Variants in CHRDL1 observed in about 807,000 individuals in gnomAD.
CHRDL1 encodes chordin-like protein 1.
In CHRDL1, 19 loss-of-function variants were observed where a neutral mutation model predicts 40.9. The ratio of observed to expected loss-of-function variants is 0.46; its 90% CI spans 0.32 to 0.68. The LOEUF (loss-of-function observed/expected upper bound fraction) is 0.68. Among genes scored for constraint, CHRDL1 ranks in the 30% least tolerant of loss-of-function variants. CHRDL1 has a pLI of 0.03. For synonymous variants in CHRDL1, 136 were observed against 123.4 expected (o/e 1.10, Z -0.68); for missense variants, 329 against 352.1 (o/e 0.93, Z 0.53).
In CHRDL1 at chrX:110,776,783, T is replaced by C. The variant is rs748063385; in HGVS notation, c.95-13976A>G. ...TGCCACACATGCATAGTGTCCCCAG[T>C]TATCAATATCCCCTGCCAGAGAGGT... On this transcript the variant is annotated intron_variant, in intron 2 of 11. Coordinates refer to ENST00000372042, the MANE Select transcript of CHRDL1 (RefSeq NM_001143981.2). Among the ~76,000 whole-genome samples the C allele has an allele frequency of 2.7e-5, 3 of 110,785 alleles. No homozygotes were observed. The East Asian group carries it at 8.5e-4, about 31-fold the overall frequency.
At chrX:110,709,661 G>A (rs2070711470) in intron 6 of CHRDL1, among the ~76,000 whole-genome samples, 1 of 111,917 alleles carries the variant, frequency 8.9e-6, no homozygotes, top group Admixed American at 9.5e-5. Flanking sequence ...AAAGATATCT[G>A]CTTCATTGGT....
intron 2 of CHRDL1, among the ~76,000 whole-genome samples, chrX:110,787,973 C>A (rs1273148327): frequency 8.9e-6 from 1 of 112,697 alleles, no homozygotes; most frequent in African/African-American, 3.2e-5. Context: ...TGGGCAAACT[C>A]TTCAGCCCAT....
chrX:110,735,669 C>G (rs1401317293), intron 4 of CHRDL1, among the ~76,000 whole-genome samples: 1 of 112,123 alleles, frequency 8.9e-6, no homozygotes, highest in African/African-American at 3.2e-5. Flanking sequence ...CTGTATAGTG[C>G]TAATAACCAG....
intron 4 of CHRDL1, among the ~76,000 whole-genome samples, chrX:110,753,082 T>C (rs1428266375): frequency 8.9e-6 from 1 of 112,000 alleles, no homozygotes; most frequent in Non-Finnish European, 1.9e-5. Context: ...TGAAAACATA[T>C]GCCACACAAA....
At chrX:110,778,745 A>T (rs748662601) in intron 2 of CHRDL1, among the ~76,000 whole-genome samples, 136 of 112,172 alleles carry the variant, frequency 1.2e-3, no homozygotes, top group African/African-American at 4.1e-3. Flanking sequence ...CAATCCCATT[A>T]TTGGGTATAC....
intron 4 of CHRDL1, among the ~76,000 whole-genome samples, chrX:110,725,267 C>A (rs773509203): frequency 2.7e-5 from 3 of 112,090 alleles, no homozygotes; most frequent in African/African-American, 9.7e-5. Context: ...GAAAATACCC[C>A]CTTATCCCAA....
intron 4 of CHRDL1, among the ~76,000 whole-genome samples, chrX:110,731,634 T>C (rs769865756): frequency 9.0e-5 from 10 of 111,705 alleles, no homozygotes; most frequent in Admixed American, 1.9e-4. Flanking sequence ...ATATGGTATA[T>C]CCATAAAATG....
At chrX:110,736,959 A>G (rs1343841820) in intron 4 of CHRDL1, among the ~76,000 whole-genome samples, 1 of 112,035 alleles carries the variant, frequency 8.9e-6, no homozygotes, top group African/African-American at 3.2e-5. Context: ...GAAGTGGCCA[A>G]CCAGAAGTGA....
At chrX:110,715,867 G>A (rs2070831724) in intron 6 of CHRDL1, among the ~76,000 whole-genome samples, 1 of 112,251 alleles carries the variant, frequency 8.9e-6, no homozygotes, top group Non-Finnish European at 1.9e-5. Flanking sequence ...TTAAGTTGGG[G>A]CCAAGACAAG....
chrX:110,711,875 C>T (rs1283972188), intron 6 of CHRDL1, among the ~76,000 whole-genome samples: 1 of 111,774 alleles, frequency 8.9e-6, no homozygotes, highest in African/African-American at 3.3e-5. Context: ...GTTTCATTTA[C>T]CTTGAAGGAG....
intron 4 of CHRDL1, among the ~76,000 whole-genome samples, chrX:110,743,795 G>T (rs1029071173): frequency 1.8e-5 from 2 of 111,892 alleles, no homozygotes; most frequent in Non-Finnish European, 3.8e-5. Flanking sequence ...TTGTGGGATG[G>T]GTGTGGGTGT....
chrX:110,761,579 T>G (rs1478294099), intron 3 of CHRDL1, among the ~76,000 whole-genome samples: 1 of 112,053 alleles, frequency 8.9e-6, no homozygotes, highest in Non-Finnish European at 1.9e-5. Context: ...CCCAGGCAAC[T>G]TGGCCATGTC....
intron 4 of CHRDL1, among the ~76,000 whole-genome samples, chrX:110,749,889 A>AC (rs1442844040): frequency 8.9e-6 from 1 of 112,380 alleles, no homozygotes; most frequent in Non-Finnish European, 1.9e-5. Context: ...TACTTTGAGA[A>AC]CATATTGGTT....
At chrX:110,750,767 T>C (rs775040520) in intron 4 of CHRDL1, among the ~76,000 whole-genome samples, 77 of 111,880 alleles carry the variant, frequency 6.9e-4, no homozygotes, top group Non-Finnish European at 1.3e-3. Flanking sequence ...ATGTGGAAGA[T>C]GGCAGAAGAG....
chrX:110,783,150 G>C (rs758050222), intron 2 of CHRDL1, among the ~76,000 whole-genome samples: 1 of 111,821 alleles, frequency 8.9e-6, no homozygotes, highest in Non-Finnish European at 1.9e-5. Context: ...CTTTTGAGAT[G>C]GAGATTTGCT....
Position 110,694,756 on chromosome X carries a change from A to C in CHRDL1, c.610-425T>G, listed in dbSNP as rs190573533. Among the ~76,000 whole-genome samples the C allele has an allele frequency of 4.7e-3, 533 of 112,317 alleles. 5 individuals carry two copies. Among genetic ancestry groups the C allele is most frequent in the Admixed American group, 5.8e-3 (61 of 10,569 alleles). On this transcript the variant is annotated intron_variant, in intron 7 of 11. Coordinates refer to ENST00000372042, the MANE Select transcript of CHRDL1 (RefSeq NM_001143981.2). Reference sequence around the variant, plus strand: ...TCCTGTGCAAATCAGAAGGAGAAAGAGAGAGCTTCTAGTTGGGGAGGGCTT... The same window carrying C: ...TCCTGTGCAAATCAGAAGGAGAAAGCGAGAGCTTCTAGTTGGGGAGGGCTT...
At chrX:110,695,078 C>A (rs946920791) in intron 7 of CHRDL1, among the ~76,000 whole-genome samples, 2 of 110,059 alleles carry the variant, frequency 1.8e-5, no homozygotes, top group Non-Finnish European at 3.8e-5. Context: ...TGTTTCAAAG[C>A]ATTGAATCCT....
At chrX:110,702,297 C>G (rs907523060) in intron 6 of CHRDL1, among the ~76,000 whole-genome samples, 2 of 111,830 alleles carry the variant, frequency 1.8e-5, no homozygotes, top group Non-Finnish European at 3.8e-5. Flanking sequence ...CTCCCACACC[C>G]CATAGCTCCC....
intron 4 of CHRDL1, among the ~76,000 whole-genome samples, chrX:110,721,756 T>C (rs1359998898): frequency 8.9e-6 from 1 of 112,119 alleles, no homozygotes; most frequent in Non-Finnish European, 1.9e-5. Context: ...CATCCATCCA[T>C]CCATTCTTTT....
Sources: allele counts gnomAD v4.1 joint callset (sites outside exome capture counted in the v4.1 genomes callset), GRCh38; gene constraint gnomAD v4.1.1; transcripts MANE v1.5; gene names NCBI Gene and HGNC (gene_info 2026-07-23, HGNC 2026-07-21).